The following PHLDA2 variants were observed in gnomAD, a reference collection of about 807,000 sequenced individuals.
PHLDA2 encodes the protein pleckstrin homology like domain family A member 2, also known as pleckstrin homology-like domain family A member 2.
In PHLDA2, 5 loss-of-function variants were observed where a neutral mutation model predicts 5.9. The observed-to-expected ratio is 0.85, with a 90% confidence interval of 0.44 to 1.78. The LOEUF is 1.78. Ranked by LOEUF, PHLDA2 falls within the 40% of genes most tolerant of loss-of-function variation. The probability of loss-of-function intolerance (pLI) is 0.02; values close to 1 mark genes in which losing one functional copy is unlikely to be tolerated. For missense variants in PHLDA2, 216 were observed against 228.3 expected (o/e 0.95, Z 0.35); for synonymous variants, 111 against 102.7 (o/e 1.08, Z -0.49).
Position 2,929,415 on chromosome 11 carries a change from G to T in PHLDA2, c.-51C>A. On this transcript the variant is annotated 5_prime_UTR_variant, in exon 1 of 2. Coordinates refer to ENST00000314222, the MANE Select transcript of PHLDA2 (RefSeq NM_003311.4). The surrounding 1 kb of genome is among the most constrained non-coding windows in gnomAD (Gnocchi z 8.3). Reference sequence around the variant, plus strand: ...CGGCAATGCGGGCGGTGACGGCGCCGGCTCTGCTCCTCGTGGCCCCGGCGC... The same window carrying T: ...CGGCAATGCGGGCGGTGACGGCGCCTGCTCTGCTCCTCGTGGCCCCGGCGC... The T allele has an allele frequency of 4.2e-6, 6 of 1,412,358 alleles. No individual in the cohort carries two copies. The highest frequency in any genetic ancestry group is 5.8e-6 in the Non-Finnish European group (6 of 1,037,484). 87.5% of individuals were successfully genotyped at this position (1,412,358 alleles called of 1,614,324 possible).
chr11:2,929,083 G>A lies in PHLDA2; in HGVS notation c.282C>T (p.Ile94=), dbSNP rs573897107. 37 of 1,611,506 alleles carry A rather than the reference G, an allele frequency of 2.3e-5. No homozygotes were observed. The highest frequency in any genetic ancestry group is 2.3e-4 in the African/African-American group (17 of 74,842). Residue 94 remains isoleucine, a synonymous_variant, in exon 1 of 2, where the codon ATC becomes ATT. Transcript: ENST00000314222. This position sits in a 1 kb window ranked among gnomAD's most constrained non-coding sequence, Gnocchi z 8.3. ...CAGESCWNAA[I]ALALIDFQNR... ...TCTGGAAATCGATGAGCGCCAGCGC[G>A]ATGGCCGCGTTCCAGCAGCTCTCGC...
In PHLDA2 at chr11:2,928,891, C is replaced by T; in HGVS notation, c.*10+5G>A. 2 of 1,355,242 alleles carry T rather than the reference C, an allele frequency of 1.5e-6. No individual in the cohort carries two copies. Among genetic ancestry groups the T allele is most frequent in the East Asian group, 6.2e-5 (2 of 32,460 alleles). The allele number at this position is 1,355,242 out of a possible 1,614,324, so 84.0% of individuals were successfully genotyped here. On this transcript the variant is annotated splice_donor_5th_base_variant and intron_variant, in intron 1 of 1. Coordinates refer to ENST00000314222, the MANE Select transcript of PHLDA2 (RefSeq NM_003311.4). ...GGGCTCGCCGGGACGCGGGCAGTCA[C>T]TCACCGCGGCGGGCTCATGGCGTGC...
intron 1 of PHLDA2, 97 bp downstream of exon 1, chr11:2,928,799 C>A: frequency 3.2e-6 from 3 of 931,856 alleles, no homozygotes; most frequent in Non-Finnish European, 4.4e-6. Context: ...GGTGCAGCGC[C>A]CCCGCCCCGC....
rs558993627 is a variant in PHLDA2 at position 2,928,891 on chromosome 11, C to G, written c.*10+5G>C. On this transcript the variant is annotated splice_donor_5th_base_variant and intron_variant, in intron 1 of 1. Coordinates refer to ENST00000314222, the MANE Select transcript of PHLDA2 (RefSeq NM_003311.4). The stretch of plus-strand genomic sequence containing the variant: ...GGGCTCGCCGGGACGCGGGCAGTCA[C>G]TCACCGCGGCGGGCTCATGGCGTGC... 1.5e-4 allele frequency: 197 copies of G among 1,355,242 alleles called. No individual in the cohort carries two copies. In the South Asian group the frequency reaches 3.2e-3, roughly 22 times the overall value. 84.0% of individuals were successfully genotyped at this position (1,355,242 alleles called of 1,614,324 possible). A position where few individuals can be genotyped will look rare whatever the true frequency, so the allele number is the denominator to read the frequency against.
chr11:2,929,412 G>T lies in PHLDA2; in HGVS notation c.-48C>A, dbSNP rs1363120497. On this transcript the variant is annotated 5_prime_UTR_variant, in exon 1 of 2. Transcript: ENST00000314222. The surrounding 1 kb of genome is among the most constrained non-coding windows in gnomAD (Gnocchi z 8.3). Reference sequence around the variant, plus strand: ...GAGCGGCAATGCGGGCGGTGACGGCGCCGGCTCTGCTCCTCGTGGCCCCGG... The same window carrying T: ...GAGCGGCAATGCGGGCGGTGACGGCTCCGGCTCTGCTCCTCGTGGCCCCGG... The T allele has an allele frequency of 2.1e-6, 3 of 1,440,838 alleles. No individual in the cohort carries two copies. In the Admixed American group the frequency reaches 5.9e-5, roughly 28 times the overall value. The allele number at this position is 1,440,838 out of a possible 1,614,324, so 89.3% of individuals were successfully genotyped here.
rs1302678976 is a variant in PHLDA2, at chr11:2,929,174, G to A, written c.191C>T (p.Thr64Met). The A allele has an allele frequency of 2.5e-6, 4 of 1,612,778 alleles. No homozygotes were observed. The South Asian group carries it at 4.4e-5, about 18-fold the overall frequency. Residue 64 changes from threonine (T) to methionine (M), a missense_variant, in exon 1 of 2, where the codon ACG (threonine) becomes ATG (methionine). Thr to Met is a moderately conservative substitution (Grantham distance 81). Coordinates refer to ENST00000314222, the MANE Select transcript of PHLDA2 (RefSeq NM_003311.4). This position sits in a 1 kb window ranked among gnomAD's most constrained non-coding sequence, Gnocchi z 8.3. ...SILKVDCVER[T>M]GKYVYFTIVT... ...GATGGTGAAGTACACGTACTTGCCC[G>A]TGCGCTCCACGCAGTCCACCTTGAG...
rs1381833109 is a variant in PHLDA2, at chr11:2,929,034, G to A, written c.331C>T (p.Arg111Cys). The A allele has an allele frequency of 6.9e-6, 11 of 1,595,338 alleles. No individual in the cohort carries two copies. The South Asian group carries it at 1.1e-4, about 16-fold the overall frequency. Reference protein sequence around the residue: ...FQNRRALQDFRSRQERTAPAA... With the variant: ...FQNRRALQDFCSRQERTAPAA... ...GGTGCGGTGCGTTCCTGGCGGCTGC[G>A]AAAGTCCTGCAGGGCGCGGCGGTTC... The change falls in exon 1 of 2, where the codon CGC becomes TGC. Residue 111 changes from arginine to cysteine, a missense_variant. Physicochemically the swap from Arg to Cys is radical, Grantham distance 180 (BLOSUM62 -3). Coordinates refer to ENST00000314222, the MANE Select transcript of PHLDA2 (RefSeq NM_003311.4). This position sits in a 1 kb window ranked among gnomAD's most constrained non-coding sequence, Gnocchi z 8.3.
chr11:2,928,785 A>C, intron 1 of PHLDA2, 111 bp downstream of exon 1: 1 of 807,154 alleles, frequency 1.2e-6, no homozygotes, highest in South Asian at 2.7e-5. Context: ...GGGTCCCCCA[A>C]GGAGGTGCAG....
rs1443533073 is a variant in PHLDA2, at chr11:2,929,236, G to C, written c.129C>G (p.Pro43=). Residue 43 remains proline, a synonymous_variant, in exon 1 of 2, where the codon CCC becomes CCG. Coordinates refer to ENST00000314222, the MANE Select transcript of PHLDA2 (RefSeq NM_003311.4). This position sits in a 1 kb window ranked among gnomAD's most constrained non-coding sequence, Gnocchi z 8.3. ...SDRLSLFPAS[P]RARPKELRFH... The stretch of plus-strand genomic sequence containing the variant: ...AGCGCAGCTCCTTGGGGCGCGCGCG[G>C]GGGCTGGCGGGGAACAGGCTCAGGC... 4 of 1,612,088 alleles carry C rather than the reference G, an allele frequency of 2.5e-6. No individual in the cohort carries two copies. The Admixed American group carries it at 5.0e-5, about 20-fold the overall frequency.
Position 2,929,302 on chromosome 11 carries a change from G to T in PHLDA2, c.63C>A (p.Phe21Leu), listed in dbSNP as rs1404370062. 3 of 1,610,278 alleles carry T rather than the reference G, an allele frequency of 1.9e-6. No homozygotes were observed. In the South Asian group the frequency reaches 3.3e-5, roughly 18 times the overall value. Reference protein sequence around the residue: ...GELEKRSDSLFQLWKKKRGVL... With the variant: ...GELEKRSDSLLQLWKKKRGVL... ...CCCCGCGCTTCTTCTTCCATAGCTG[G>T]AAGAGGCTGTCGCTGCGCTTCTCCA... is the stretch of plus-strand genomic sequence containing the variant. The change falls in exon 1 of 2, where the codon TTC becomes TTA. Residue 21 changes from phenylalanine (F) to leucine (L), a missense_variant. By Grantham distance (22) the Phe-to-Leu change is conservative (BLOSUM62 0). Coordinates refer to ENST00000314222, the MANE Select transcript of PHLDA2 (RefSeq NM_003311.4). The surrounding 1 kb of genome is among the most constrained non-coding windows in gnomAD (Gnocchi z 8.3).
At position 2,929,231 on chromosome 11, in the gene PHLDA2, G is replaced by T. The variant is rs1850482254; in HGVS notation, c.134C>A (p.Ala45Glu). 1.2e-6 allele frequency: 2 copies of T among 1,612,142 alleles called. No homozygotes were observed. Among genetic ancestry groups the T allele is most frequent in the South Asian group, 1.1e-5 (1 of 90,930 alleles). Residue 45 changes from alanine to glutamate, a missense_variant, in exon 1 of 2, where the codon GCG (alanine) becomes GAG (glutamate). By Grantham distance (107) the Ala-to-Glu change is moderately radical (BLOSUM62 -1). Transcript: ENST00000314222. This position sits in a 1 kb window ranked among gnomAD's most constrained non-coding sequence, Gnocchi z 8.3. ...GTGGAAGCGCAGCTCCTTGGGGCGC[G>T]CGCGGGGGCTGGCGGGGAACAGGCT... The part of the protein sequence containing the change: ...RLSLFPASPR[A>E]RPKELRFHSI...
chr11:2,928,809 C>T, intron 1 of PHLDA2, 87 bp downstream of exon 1: 1 of 983,992 alleles, frequency 1.0e-6, no homozygotes, highest in Non-Finnish European at 1.4e-6. Flanking sequence ...CCCCGCCCCG[C>T]CGTCTGGGGT....
chr11:2,928,784 A>T (rs1027753619), intron 1 of PHLDA2, 112 bp downstream of exon 1: 1 of 803,634 alleles, frequency 1.2e-6, no homozygotes, highest in African/African-American at 1.8e-5. Context: ...CGGGTCCCCC[A>T]AGGAGGTGCA....
chr11:2,928,928 T>A lies in PHLDA2; in HGVS notation c.437A>T (p.Gln146Leu). The A allele has an allele frequency of 7.1e-7, 1 of 1,406,624 alleles. No individual in the cohort carries two copies. The allele number at this position is 1,406,624 out of a possible 1,614,324, so 87.1% of individuals were successfully genotyped here. ...GGCTCATGGCGTGCGGGGTTTGGGC[T>A]GCGGGGATGGCCTGGAGGGCTCCGA... is the stretch of plus-strand genomic sequence containing the variant. Reference protein sequence around the residue: ...EPSEPSRPSPQPKPRTP With the variant: ...EPSEPSRPSPLPKPRTP Residue 146 changes from glutamine to leucine, a missense_variant, in exon 1 of 2, where the codon CAG (glutamine) becomes CTG (leucine). Coordinates refer to ENST00000314222, the MANE Select transcript of PHLDA2 (RefSeq NM_003311.4).
chr11:2,929,315 C>CT lies in PHLDA2; in HGVS notation c.49dup (p.Ser17LysfsTer179). 6.2e-7 allele frequency: 1 copy of CT among 1,609,654 alleles called. No homozygotes were observed. Among genetic ancestry groups the CT allele is most frequent in the Non-Finnish European group, 8.5e-7 (1 of 1,178,944 alleles). ...CTTCCATAGCTGGAAGAGGCTGTCG[C>CT]TGCGCTTCTCCAACTCGCCCTCGCG... On this transcript the variant is annotated frameshift_variant, in exon 1 of 2. Coordinates refer to ENST00000314222, the MANE Select transcript of PHLDA2 (RefSeq NM_003311.4). LOFTEE classifies it high-confidence loss of function. This position sits in a 1 kb window ranked among gnomAD's most constrained non-coding sequence, Gnocchi z 8.3.
rs1482086316 is a variant in PHLDA2 at position 2,928,942 on chromosome 11, G to GGAGGGCTCC, written c.414_422dup (p.Glu139_Ser141dup). 114 of 1,460,584 alleles carry GGAGGGCTCC rather than the reference G, an allele frequency of 7.8e-5. No individual in the cohort carries two copies. The highest frequency in any genetic ancestry group is 9.7e-5 in the Non-Finnish European group (108 of 1,118,600). 90.5% of individuals were successfully genotyped at this position (1,460,584 alleles called of 1,614,324 possible). A position where few individuals can be genotyped will look rare whatever the true frequency, so the allele number is the denominator to read the frequency against. On this transcript the variant is annotated inframe_insertion, in exon 1 of 2. Coordinates refer to ENST00000314222, the MANE Select transcript of PHLDA2 (RefSeq NM_003311.4). ...GGGGTTTGGGCTGCGGGGATGGCCT[G>GGAGGGCTCC]GAGGGCTCCGAGGGCTCGGAGGGTG...
Position 2,928,987 on chromosome 11 carries a change from G to C in PHLDA2, c.378C>G (p.Ala126=), listed in dbSNP as rs1366262590. 1.3e-6 allele frequency: 2 copies of C among 1,554,472 alleles called. No individual in the cohort carries two copies. Among genetic ancestry groups the C allele is most frequent in the African/African-American group, 2.8e-5 (2 of 71,592 alleles). ...RTAPAAPAED[A]VAAAAAAPSE... ...AGGGTGCGGCGGCCGCGGCAGCCAC[G>C]GCGTCCTCGGCGGGTGCGGCGGGTG... The change falls in exon 1 of 2, where the codon GCC becomes GCG. Residue 126 remains alanine (A), a synonymous_variant. Coordinates refer to ENST00000314222, the MANE Select transcript of PHLDA2 (RefSeq NM_003311.4).
At chr11:2,928,803 G>T in intron 1 of PHLDA2, 93 bp downstream of exon 1, 2 of 956,342 alleles carry the variant, frequency 2.1e-6, no homozygotes, top group Non-Finnish European at 2.8e-6. Context: ...CAGCGCCCCC[G>T]CCCCGCCGTC....
In PHLDA2 at chr11:2,929,077, C is replaced by A; in HGVS notation, c.288G>T (p.Leu96=). ...GGCGGTTCTGGAAATCGATGAGCGCCAGCGCGATGGCCGCGTTCCAGCAGC... is the reference window on the plus strand; with the variant it reads ...GGCGGTTCTGGAAATCGATGAGCGCAAGCGCGATGGCCGCGTTCCAGCAGC... ...GESCWNAAIA[L]ALIDFQNRRA... Residue 96 remains leucine, a synonymous_variant, in exon 1 of 2, where the codon CTG becomes CTT. Transcript: ENST00000314222. The surrounding 1 kb of genome is among the most constrained non-coding windows in gnomAD (Gnocchi z 8.3). 1 of 1,611,560 alleles carries A rather than the reference C, an allele frequency of 6.2e-7. No homozygotes were observed. Among genetic ancestry groups the A allele is most frequent in the Non-Finnish European group, 8.5e-7 (1 of 1,179,520 alleles).
Sources: gnomAD v4.1 joint callset for allele counts on GRCh38, gnomAD v4.1.1 for gene constraint, Gnocchi (gnomAD v3.1) non-coding constraint, MANE v1.5 for transcripts, NCBI Gene and HGNC (gene_info 2026-07-23, HGNC 2026-07-21) for gene names.